The following TENM2 variants were observed in gnomAD, a reference collection of about 807,000 sequenced individuals.
TENM2 encodes the protein teneurin-2.
A neutral mutation model predicts 245.2 loss-of-function variants in TENM2; 52 were observed. The ratio of observed to expected loss-of-function variants is 0.21; its 90% CI spans 0.17 to 0.27. TENM2 has a LOEUF of 0.27. Ranked by LOEUF, TENM2 falls within the 10% of genes least tolerant of loss-of-function variation. TENM2 has a pLI of 1.00. For missense variants in TENM2, 3,046 were observed against 3,666.8 expected (o/e 0.83, Z 4.37); for synonymous variants, 1,363 against 1,438.9 (o/e 0.95, Z 1.19).
intron 2 of TENM2, among the ~76,000 whole-genome samples, chr5:167,781,070 G>A (rs941890891): frequency 6.6e-6 from 1 of 152,120 alleles, no homozygotes; most frequent in African/African-American, 2.4e-5. Flanking sequence ...AAGCACTTTG[G>A]GGGGCTGAGG....
intron 12 of TENM2, among the ~76,000 whole-genome samples, chr5:168,160,510 T>G (rs1323109484): frequency 6.6e-6 from 1 of 152,168 alleles, no homozygotes; most frequent in Non-Finnish European, 1.5e-5. Context: ...GGTAAGAGTC[T>G]CCTTATTTGC....
chr5:168,178,996 A>G (rs747502107), intron 13 of TENM2, among the ~76,000 whole-genome samples: 3 of 152,124 alleles, frequency 2.0e-5, no homozygotes, highest in Non-Finnish European at 4.4e-5. Context: ...TTAGCCAGGC[A>G]TGGTGAAGGG....
rs200612353 is a variant in TENM2 at position 168,153,832 on chromosome 5, CA to C, written c.2423-8778del. 4.3e-3 allele frequency among the ~76,000 whole-genome samples: 652 copies of C among 152,282 alleles called. 6 individuals carry two copies. The highest frequency in any genetic ancestry group is 0.015 in the African/African-American group (606 of 41,546). On this transcript the variant is annotated intron_variant, in intron 12 of 28. Transcript: ENST00000518659. Reference sequence around the variant, plus strand: ...GATGCTGCTGCTGGTCCCAGGACCACACTTTGAGAAGCACTGCTCCAATCTA... The same window carrying C: ...GATGCTGCTGCTGGTCCCAGGACCACCTTTGAGAAGCACTGCTCCAATCTA...
At chr5:167,781,585 T>A (rs992330332) in intron 2 of TENM2, among the ~76,000 whole-genome samples, 5 of 152,134 alleles carry the variant, frequency 3.3e-5, no homozygotes, top group Non-Finnish European at 7.4e-5. Flanking sequence ...TGTGACTTCG[T>A]TTGCTGAGAA....
intron 2 of TENM2, among the ~76,000 whole-genome samples, chr5:167,454,587 G>T (rs1243607012): frequency 6.6e-6 from 1 of 152,010 alleles, no homozygotes; most frequent in Non-Finnish European, 1.5e-5. Flanking sequence ...GTGTGCACAT[G>T]CATGTGTATG....
At chr5:167,333,052 C>T (rs139745289) in intron 1 of TENM2, among the ~76,000 whole-genome samples, 59 of 152,098 alleles carry the variant, frequency 3.9e-4, no homozygotes, top group Non-Finnish European at 5.3e-4. Flanking sequence ...AACAGTAGTG[C>T]GTGGACTGGA....
chr5:167,600,087 T>C (rs202086947), intron 2 of TENM2, among the ~76,000 whole-genome samples: 1 of 29,310 alleles, frequency 3.4e-5, no homozygotes, highest in Admixed American at 2.9e-4. Flanking sequence ...CGGAGTTTGC[T>C]TCATTTATAG....
At chr5:168,021,601 CTG>C (rs1786150749) in intron 5 of TENM2, among the ~76,000 whole-genome samples, 1 of 152,170 alleles carries the variant, frequency 6.6e-6, no homozygotes, top group South Asian at 2.1e-4. Context: ...TGTCTTTACT[CTG>C]TATCTGAATC....
the TENM2 span, among the ~76,000 whole-genome samples, chr5:167,085,787 A>T: frequency 6.6e-6 from 1 of 152,206 alleles, no homozygotes; most frequent in African/African-American, 2.4e-5. Flanking sequence ...AATAATGTTC[A>T]ATGCCTATGT....
chr5:167,292,642 G>A (rs1335119949), intron 1 of TENM2, among the ~76,000 whole-genome samples: 2 of 152,066 alleles, frequency 1.3e-5, no homozygotes, highest in East Asian at 1.9e-4. Flanking sequence ...AATATTTCAG[G>A]GGTTCCTAAA....
intron 1 of TENM2, among the ~76,000 whole-genome samples, chr5:167,346,133 T>C (rs1292400040): frequency 6.6e-6 from 1 of 152,210 alleles, no homozygotes; most frequent in Non-Finnish European, 1.5e-5. Flanking sequence ...CAAAGTATTT[T>C]TATCTATTTG....
intron 2 of TENM2, among the ~76,000 whole-genome samples, chr5:167,411,871 A>G (rs1762929349): frequency 1.2e-5 from 1 of 84,222 alleles, no homozygotes; most frequent in Non-Finnish European, 2.9e-5. Context: ...GTCTAAATAC[A>G]TTTGTGTTGA....
intron 3 of TENM2, among the ~76,000 whole-genome samples, chr5:167,921,871 T>G (rs573135602): frequency 5.3e-4 from 81 of 152,298 alleles, no homozygotes; most frequent in African/African-American, 1.8e-3. Context: ...ACCCCAACTT[T>G]ACAAATACAA....
intron 12 of TENM2, among the ~76,000 whole-genome samples, chr5:168,144,059 A>G (rs1755813757): frequency 6.7e-6 from 1 of 149,848 alleles, no homozygotes; most frequent in African/African-American, 2.5e-5. Context: ...GAGTTTCGCC[A>G]TGTTGGTCTG....
intron 13 of TENM2, among the ~76,000 whole-genome samples, chr5:168,164,505 G>A (rs1193455335): frequency 6.6e-6 from 1 of 152,114 alleles, no homozygotes; most frequent in African/African-American, 2.4e-5. Context: ...ATGTCAGAGT[G>A]GAGTCAAAGC....
intron 3 of TENM2, among the ~76,000 whole-genome samples, chr5:167,926,580 G>T (rs998625086): frequency 2.0e-5 from 3 of 152,090 alleles, no homozygotes; most frequent in Non-Finnish European, 4.4e-5. Context: ...TAGTAGCTGG[G>T]CTTGGTGGCA....
intron 2 of TENM2, among the ~76,000 whole-genome samples, chr5:167,648,361 C>T (rs550805302): frequency 6.6e-6 from 1 of 152,160 alleles, no homozygotes; most frequent in South Asian, 2.1e-4. Flanking sequence ...AGGAATTCTA[C>T]TATTTGTTGA....
chr5:167,268,137 T>C, the TENM2 span, among the ~76,000 whole-genome samples: 6 of 152,084 alleles, frequency 3.9e-5, no homozygotes, highest in Non-Finnish European at 5.9e-5. Flanking sequence ...CAAAATAAGA[T>C]ATAGAGGCAT....
At chr5:167,451,327 A>G (rs1264980692) in intron 2 of TENM2, among the ~76,000 whole-genome samples, 2 of 152,188 alleles carry the variant, frequency 1.3e-5, no homozygotes, top group Non-Finnish European at 2.9e-5. Flanking sequence ...ACAGTTTTAT[A>G]TGACTAGACA....
Sources: allele counts gnomAD v4.1 joint callset (sites outside exome capture counted in the v4.1 genomes callset), GRCh38; gene constraint gnomAD v4.1.1; transcripts MANE v1.5; gene names NCBI Gene and HGNC (gene_info 2026-07-23, HGNC 2026-07-21).